Variants in PELI2 observed in about 807,000 individuals in gnomAD.
PELI2 encodes the protein E3 ubiquitin-protein ligase pellino homolog 2.
In PELI2, 23 loss-of-function variants were observed where a neutral mutation model predicts 42.3. The ratio of observed to expected loss-of-function variants is 0.54; its 90% CI spans 0.39 to 0.77. The LOEUF (loss-of-function observed/expected upper bound fraction) is 0.77, where lower values mean the gene tolerates loss of function less well. PELI2 is among the 30% of genes least tolerant of loss of function. The pLI, the probability that PELI2 is intolerant of heterozygous loss-of-function variation, is 0.00. For missense variants in PELI2, 463 were observed against 553.2 expected (o/e 0.84, Z 1.64); for synonymous variants, 245 against 212.2 (o/e 1.15, Z -1.34).
At chr14:56,217,785 G>A (rs958190572) in intron 2 of PELI2, among the ~76,000 whole-genome samples, 1 of 152,100 alleles carries the variant, frequency 6.6e-6, no homozygotes. Flanking sequence ...GGCCCAACGT[G>A]CTGTCACTTC....
intron 1 of PELI2, among the ~76,000 whole-genome samples, chr14:56,172,616 C>G (rs1225415135): frequency 6.6e-6 from 1 of 151,954 alleles, no homozygotes; most frequent in African/African-American, 2.4e-5. Context: ...GATCTGGGGG[C>G]AAAGATTGAA....
chr14:56,176,925 G>A (rs1475157055), intron 1 of PELI2, among the ~76,000 whole-genome samples: 3 of 152,140 alleles, frequency 2.0e-5, no homozygotes, highest in Non-Finnish European at 4.4e-5. Flanking sequence ...AAGTGACATG[G>A]AAATATATTA....
At chr14:56,262,059 C>A (rs188367548) in intron 2 of PELI2, among the ~76,000 whole-genome samples, 2 of 152,298 alleles carry the variant, frequency 1.3e-5, no homozygotes, top group Admixed American at 1.3e-4. Flanking sequence ...CGTAAGAGGG[C>A]AACACATTAT....
rs561312459 is a variant in PELI2 at position 56,226,083 on chromosome 14, AAAG to A, written c.207+47635_207+47637del. Among the ~76,000 whole-genome samples the A allele has an allele frequency of 2.1e-3, 319 of 151,720 alleles. 1 individual carries two copies. Among genetic ancestry groups the A allele is most frequent in the African/African-American group, 7.1e-3 (295 of 41,370 alleles). On this transcript the variant is annotated intron_variant, in intron 2 of 5. Transcript: ENST00000267460. ...CCCAGCATACCAAACAGGAAAAAAAAAAGAAGAAGAAGAAGAAGTCAGGTCAAG... is the reference window on the plus strand; with the variant it reads ...CCCAGCATACCAAACAGGAAAAAAAAAAGAAGAAGAAGAAGTCAGGTCAAG...
intron 1 of PELI2, among the ~76,000 whole-genome samples, chr14:56,136,109 T>C (rs954342809): frequency 2.0e-5 from 3 of 152,224 alleles, no homozygotes; most frequent in Admixed American, 2.0e-4. Context: ...TTCTTATAGA[T>C]AAAATTAAAA....
At chr14:56,133,384 T>C (rs1046545178) in intron 1 of PELI2, among the ~76,000 whole-genome samples, 6 of 152,200 alleles carry the variant, frequency 3.9e-5, no homozygotes, top group African/African-American at 1.4e-4. Flanking sequence ...CTGTATGTTT[T>C]AACAGGATAT....
At chr14:56,131,567 A>G (rs1280195865) in intron 1 of PELI2, among the ~76,000 whole-genome samples, 2 of 152,238 alleles carry the variant, frequency 1.3e-5, no homozygotes, top group African/African-American at 4.8e-5. Flanking sequence ...AAGCGACACA[A>G]GGGTGAAACC....
At chr14:56,147,876 A>G (rs947136572) in intron 1 of PELI2, among the ~76,000 whole-genome samples, 3 of 152,226 alleles carry the variant, frequency 2.0e-5, no homozygotes, top group African/African-American at 7.2e-5. Flanking sequence ...CCACAGGATT[A>G]TTAGTCTGAC....
Position 56,227,901 on chromosome 14 carries a change from G to C in PELI2, c.207+49437G>C, listed in dbSNP as rs149590449. ...GGAGTTCCACCAGCAAATCTGGACAGTATAAGCACCGAAGTAAATTTTAAA... is the reference window on the plus strand; with the variant it reads ...GGAGTTCCACCAGCAAATCTGGACACTATAAGCACCGAAGTAAATTTTAAA... On this transcript the variant is annotated intron_variant, in intron 2 of 5. Transcript: ENST00000267460. 2.4e-4 allele frequency among the ~76,000 whole-genome samples: 37 copies of C among 152,324 alleles called. 1 individual carries two copies. The East Asian group carries it at 7.1e-3, about 29-fold the overall frequency.
At chr14:56,259,894 TA>T (rs1888654549) in intron 2 of PELI2, among the ~76,000 whole-genome samples, 1 of 152,116 alleles carries the variant, frequency 6.6e-6, no homozygotes, top group East Asian at 1.9e-4. Context: ...ATGAAATACT[TA>T]TGGATAAATT....
At chr14:56,136,246 A>G (rs1883685654) in intron 1 of PELI2, among the ~76,000 whole-genome samples, 1 of 152,186 alleles carries the variant, frequency 6.6e-6, no homozygotes, top group Non-Finnish European at 1.5e-5. Flanking sequence ...GAGTATTTTC[A>G]AGGGGGTGTG....
intron 2 of PELI2, among the ~76,000 whole-genome samples, chr14:56,185,639 A>C (rs538668159): frequency 1.1e-4 from 16 of 152,342 alleles, no homozygotes; most frequent in African/African-American, 2.9e-4. Context: ...ATACTTCAAG[A>C]AAGTAGAAGA....
intron 1 of PELI2, among the ~76,000 whole-genome samples, chr14:56,175,057 A>G (rs1885322355): frequency 6.6e-6 from 1 of 152,018 alleles, no homozygotes. Flanking sequence ...GTACAGTGGC[A>G]TGATCTTGGC....
Position 56,256,147 on chromosome 14 carries a change from C to T in PELI2, c.208-23529C>T, listed in dbSNP as rs74330111. ...GGCAAGACAAAAAATACCATTTACA[C>T]TCAGGAGCAGTGGCTCATGCCTGTA... On this transcript the variant is annotated intron_variant, in intron 2 of 5. Coordinates refer to ENST00000267460, the MANE Select transcript of PELI2 (RefSeq NM_021255.3). 3.5e-4 allele frequency among the ~76,000 whole-genome samples: 54 copies of T among 152,236 alleles called. 2 individuals carry two copies. In the East Asian group the frequency reaches 0.01, roughly 29 times the overall value.
At position 56,193,827 on chromosome 14, in the gene PELI2, A is replaced by C. The variant is rs182082521; in HGVS notation, c.207+15363A>C. Among the ~76,000 whole-genome samples the C allele has an allele frequency of 1.6e-3, 240 of 152,228 alleles. 1 individual carries two copies. Among genetic ancestry groups the C allele is most frequent in the Non-Finnish European group, 2.5e-3 (170 of 67,986 alleles). On this transcript the variant is annotated intron_variant, in intron 2 of 5. Transcript: ENST00000267460. ...AGGGAAGTCAGCCTCCTTTTTTGCC[A>C]AAATAAAGGAGTATATAATTTGCCC...
At position 56,118,631 on chromosome 14, in the gene PELI2, GCGGCGGCGT is replaced by G. The variant is rs1338627102; in HGVS notation, c.-22_-14del. On this transcript the variant is annotated 5_prime_UTR_variant, in exon 1 of 6. Transcript: ENST00000267460. ...GATCGCGGCGGAGGCGGCGGCGTCG[GCGGCGGCGT>G]CGGCGGCCGAGCGGGGCTCCATGTT... 8.2e-6 allele frequency: 11 copies of G among 1,334,984 alleles called. No individual in the cohort carries two copies. The highest frequency in any genetic ancestry group is 6.4e-5 in the East Asian group (2 of 31,160). 82.7% of individuals were successfully genotyped at this position (1,334,984 alleles called of 1,614,324 possible).
chr14:56,214,909 A>G (rs2139736097), intron 2 of PELI2, among the ~76,000 whole-genome samples: 1 of 152,338 alleles, frequency 6.6e-6, no homozygotes. Context: ...CAGCGTTGAC[A>G]GAGGAGCATT....
intron 5 of PELI2, among the ~76,000 whole-genome samples, chr14:56,296,127 T>A (rs910885645): frequency 6.6e-6 from 1 of 152,166 alleles, no homozygotes; most frequent in Admixed American, 6.5e-5. Context: ...AAGCTAAGGG[T>A]CACCAGGAGT....
At chr14:56,285,997 G>A (rs1041362451) in intron 3 of PELI2, among the ~76,000 whole-genome samples, 4 of 152,118 alleles carry the variant, frequency 2.6e-5, no homozygotes, top group East Asian at 1.9e-4. Context: ...TTGGCATTGC[G>A]GAAACATCCA....
Sources: gnomAD v4.1 joint callset for allele counts (sites outside exome capture counted in the v4.1 genomes callset) on GRCh38, gnomAD v4.1.1 for gene constraint, MANE v1.5 for transcripts, NCBI Gene and HGNC (gene_info 2026-07-23, HGNC 2026-07-21) for gene names.